The following ADGRL2 variants were observed in gnomAD, a reference collection of about 807,000 sequenced individuals.
ADGRL2 encodes the protein adhesion G protein-coupled receptor L2.
A neutral mutation model predicts 157.4 loss-of-function variants in ADGRL2; 44 were observed. That is an observed-to-expected ratio of 0.28 (90% CI 0.22 to 0.36). ADGRL2 has a LOEUF of 0.36. Among genes scored for constraint, ADGRL2 ranks in the 10% least tolerant of loss-of-function variants. The pLI is 1.00. For synonymous variants in ADGRL2, 585 were observed against 624.7 expected, an observed-to-expected ratio of 0.94 and a Z score of 0.95; for missense variants, 1,510 against 1,768.9, an observed-to-expected ratio of 0.85 and a Z score of 2.63.
At chr1:81,472,922 G>A (rs570426529) in intron 2 of ADGRL2, among the ~76,000 whole-genome samples, 9 of 152,288 alleles carry the variant, frequency 5.9e-5, no homozygotes, top group Admixed American at 3.9e-4. Context: ...GGAATAAAAG[G>A]AGGGAAGGAG....
intron 1 of ADGRL2, among the ~76,000 whole-genome samples, chr1:81,348,728 G>GT (rs1662660884): frequency 1.3e-5 from 2 of 152,016 alleles, no homozygotes; most frequent in African/African-American, 4.8e-5. Flanking sequence ...AAATAAAAAC[G>GT]TTTTAAAATC....
At chr1:81,415,996 A>G (rs1030370087) in intron 1 of ADGRL2, among the ~76,000 whole-genome samples, 3 of 151,970 alleles carry the variant, frequency 2.0e-5, no homozygotes, top group Non-Finnish European at 2.9e-5. Flanking sequence ...GCCCGCCACC[A>G]TGCCAGGCTA....
rs376007979 is a variant in ADGRL2 at position 81,473,371 on chromosome 1, T to C, written c.-248+28282T>C. 8.5e-5 allele frequency among the ~76,000 whole-genome samples: 13 copies of C among 152,320 alleles called. No individual in the cohort carries two copies. The East Asian group carries it at 2.1e-3, about 25-fold the overall frequency. ...GCACTTGAGATGTGGCTAGTGGAAC[T>C]GAGATGTTCCAGAACTTATATACAC... On this transcript the variant is annotated intron_variant, in intron 2 of 24. Transcript: ENST00000370721.
chr1:81,904,572 CA>C (rs2094550145), intron 2 of ADGRL2, among the ~76,000 whole-genome samples: 1 of 151,992 alleles, frequency 6.6e-6, no homozygotes, highest in Non-Finnish European at 1.5e-5. Context: ...CAAGGGAATG[CA>C]AAAAACTAAT....
rs1278893040 is a variant in ADGRL2, at chr1:81,490,744, G to C, written c.-248+45655G>C. ...AGTCATTTTGGAAGGCGTCTTGGCA[G>C]TATTTTCCAAAGTGGAAGGTACTTG... On this transcript the variant is annotated intron_variant, in intron 2 of 24. Coordinates refer to the ADGRL2 transcript ENST00000370721. 2.6e-5 allele frequency among the ~76,000 whole-genome samples: 4 copies of C among 152,208 alleles called. No individual in the cohort carries two copies. In the East Asian group the frequency reaches 7.7e-4, roughly 29 times the overall value.
chr1:81,648,528 G>C (rs547692478), intron 3 of ADGRL2, among the ~76,000 whole-genome samples: 1 of 152,168 alleles, frequency 6.6e-6, no homozygotes, highest in African/African-American at 2.4e-5. Context: ...CCAGAACATC[G>C]GGCACAAGAT....
At chr1:81,721,205 C>A (rs972591512) in intron 1 of ADGRL2, among the ~76,000 whole-genome samples, 5 of 151,822 alleles carry the variant, frequency 3.3e-5, no homozygotes, top group African/African-American at 1.2e-4. Context: ...TAAATGGTAA[C>A]GGCATACATT....
intron 2 of ADGRL2, among the ~76,000 whole-genome samples, chr1:81,564,153 A>G (rs947435586): frequency 6.6e-6 from 1 of 152,200 alleles, no homozygotes; most frequent in African/African-American, 2.4e-5. Context: ...TTAAGTGTGG[A>G]TGGTGGGAAG....
intron 3 of ADGRL2, among the ~76,000 whole-genome samples, chr1:81,592,659 G>C (rs577212841): frequency 5.3e-5 from 8 of 152,206 alleles, no homozygotes; most frequent in Middle Eastern, 6.8e-3. Context: ...AGGAAGGAGA[G>C]GGCAAAGGAA....
intron 1 of ADGRL2, among the ~76,000 whole-genome samples, chr1:81,421,353 G>A (rs1557676815): frequency 6.6e-6 from 1 of 152,112 alleles, no homozygotes; most frequent in Non-Finnish European, 1.5e-5. Flanking sequence ...AACTAAAATT[G>A]TACAATAATG....
intron 1 of ADGRL2, among the ~76,000 whole-genome samples, chr1:81,404,616 A>T (rs2076820953): frequency 6.6e-6 from 1 of 152,230 alleles, no homozygotes; most frequent in Admixed American, 6.5e-5. Flanking sequence ...AATGAATAAA[A>T]TGCTTGATAG....
chr1:81,776,926 C>T (rs530473501), intron 2 of ADGRL2, among the ~76,000 whole-genome samples: 25 of 152,180 alleles, frequency 1.6e-4, no homozygotes, highest in Admixed American at 3.3e-4. Context: ...CAGTAATTAA[C>T]GTAATTAACA....
At chr1:81,918,365 A>G (rs1213136236) in intron 3 of ADGRL2, among the ~76,000 whole-genome samples, 2 of 152,132 alleles carry the variant, frequency 1.3e-5, no homozygotes, top group Non-Finnish European at 2.9e-5. Flanking sequence ...AAGCTAGTCT[A>G]TGGAAAAATC....
At position 81,985,298 on chromosome 1, in the gene ADGRL2, C is replaced by G. The variant is rs1662825209; in HGVS notation, c.3451C>G (p.Gln1151Glu). Residue 1151 changes from glutamine (Q) to glutamate (E), a missense_variant, in exon 21 of 24, where the codon CAA becomes GAA. Around this residue, in one of 4 missense-constraint regions of ADGRL2, gnomAD observed 497 missense variants for 627.2 expected, o/e 0.79. Coordinates refer to ENST00000686636, the MANE Select transcript of ADGRL2 (RefSeq NM_001366006.2). Reference protein sequence around the residue: ...RRMWNDTVRKQSESSFISGDI... With the variant: ...RRMWNDTVRKESESSFISGDI... ...AATGTGGAATGATACTGTGAGAAAA[C>G]AATCAGAATCTTCTTTTATCTCAGG... 10 of 1,605,496 alleles carry G rather than the reference C, an allele frequency of 6.2e-6. No homozygotes were observed. The highest frequency in any genetic ancestry group is 8.5e-6 in the Non-Finnish European group (10 of 1,173,882).
chr1:81,502,963 C>A (rs1055359501), intron 2 of ADGRL2: 2 of 1,612,954 alleles, frequency 1.2e-6, no homozygotes, highest in African/African-American at 2.7e-5. Flanking sequence ...TGATGGAGCC[C>A]CAGTGACAAC....
At chr1:81,575,900 AG>A (rs1464444890) in intron 2 of ADGRL2, among the ~76,000 whole-genome samples, 1 of 152,158 alleles carries the variant, frequency 6.6e-6, no homozygotes, top group African/African-American at 2.4e-5. Flanking sequence ...TACACAGAAT[AG>A]CATAATAAAA....
At chr1:81,736,897 C>G (rs1184633159) in intron 1 of ADGRL2, among the ~76,000 whole-genome samples, 1 of 152,092 alleles carries the variant, frequency 6.6e-6, no homozygotes, top group African/African-American at 2.4e-5. Flanking sequence ...TGCAGTGCCA[C>G]AGTCTCAGCT....
upstream of ADGRL2, among the ~76,000 whole-genome samples, chr1:81,697,222 T>C (rs1188730271): frequency 6.6e-6 from 1 of 151,990 alleles, no homozygotes; most frequent in Non-Finnish European, 1.5e-5. Flanking sequence ...TTTTGAAAGT[T>C]GCATAAGCTT....
chr1:81,463,256 T>G (rs948786058), intron 2 of ADGRL2, among the ~76,000 whole-genome samples: 3 of 152,028 alleles, frequency 2.0e-5, no homozygotes, highest in African/African-American at 7.2e-5. Context: ...GATTCCTTCC[T>G]CCTTTGCTAG....
Sources: allele counts gnomAD v4.1 joint callset (sites outside exome capture counted in the v4.1 genomes callset), GRCh38; gene constraint gnomAD v4.1.1; regional missense constraint gnomAD v4.1.1; transcripts MANE v1.5; gene names NCBI Gene and HGNC (gene_info 2026-07-23, HGNC 2026-07-21).